OLFM2: variants seen among roughly 807,000 people sequenced by gnomAD.
OLFM2 encodes noelin-2.
In OLFM2, 20 loss-of-function variants were observed where a neutral mutation model predicts 43.9. The observed-to-expected ratio is 0.46, with a 90% confidence interval of 0.32 to 0.66. The LOEUF (loss-of-function observed/expected upper bound fraction) is 0.66. OLFM2 is among the 30% of genes least tolerant of loss of function. The pLI, the probability that OLFM2 is intolerant of heterozygous loss-of-function variation, is 0.04. For synonymous variants in OLFM2, 268 were observed against 278.6 expected, an observed-to-expected ratio of 0.96 and a Z score of 0.38; for missense variants, 416 against 643.6, an observed-to-expected ratio of 0.65 and a Z score of 3.83.
At chr19:9,913,351 T>A (rs528215373) in intron 1 of OLFM2, 2 of 421,592 alleles carry the variant, frequency 4.7e-6, no homozygotes, top group African/African-American at 4.3e-5. Flanking sequence ...TACCCAGGCG[T>A]GCCGGGCAGG....
intron 1 of OLFM2, among the ~76,000 whole-genome samples, chr19:9,887,377 C>G (rs936938763): frequency 6.6e-6 from 1 of 151,988 alleles, no homozygotes; most frequent in Non-Finnish European, 1.5e-5. Context: ...TGAGGTTTCT[C>G]CATGTTGGCC....
chr19:9,855,218 T>C (rs2046306340), intron 5 of OLFM2, among the ~76,000 whole-genome samples: 1 of 122,304 alleles, frequency 8.2e-6, no homozygotes, highest in Non-Finnish European at 1.9e-5. Flanking sequence ...GTGAGTGCTA[T>C]TGGTCTTTTT....
At chr19:9,928,262 G>A (rs754860276) in intron 1 of OLFM2, among the ~76,000 whole-genome samples, 65 of 151,862 alleles carry the variant, frequency 4.3e-4, no homozygotes, top group Non-Finnish European at 7.5e-4. Flanking sequence ...CTCACCATGT[G>A]CTCATCATGT....
chr19:9,858,033 C>T (rs2046336847), intron 2 of OLFM2, 172 bp from the exon 3 acceptor site: 7 of 765,526 alleles, frequency 9.1e-6, no homozygotes, highest in Non-Finnish European at 1.6e-5. Context: ...CCAATCCATC[C>T]ATCCATCGCT....
At chr19:9,855,681 C>T (rs1490523590) in intron 5 of OLFM2, among the ~76,000 whole-genome samples, 1 of 152,064 alleles carries the variant, frequency 6.6e-6, no homozygotes, top group Admixed American at 6.6e-5. Flanking sequence ...ACTACAGGCA[C>T]AAGTCACCAC....
chr19:9,898,353 C>A (rs529801985), intron 1 of OLFM2, among the ~76,000 whole-genome samples: 3 of 151,516 alleles, frequency 2.0e-5, no homozygotes, highest in Admixed American at 2.0e-4. Flanking sequence ...GAAACCTCTT[C>A]TCTACTAAAA....
At chr19:9,893,863 A>G (rs2046658659) in intron 1 of OLFM2, among the ~76,000 whole-genome samples, 1 of 152,174 alleles carries the variant, frequency 6.6e-6, no homozygotes, top group African/African-American at 2.4e-5. Flanking sequence ...ATAAATCTTC[A>G]AGAGGTTTCA....
chr19:9,901,000 G>GA (rs1272892841), intron 1 of OLFM2, among the ~76,000 whole-genome samples: 54 of 23,744 alleles, frequency 2.3e-3, no homozygotes, highest in South Asian at 4.4e-3. Context: ...GGGAGGGAGG[G>GA]GGGAGGGAGG....
intron 1 of OLFM2, among the ~76,000 whole-genome samples, chr19:9,926,924 G>A (rs971178997): frequency 6.6e-6 from 1 of 152,168 alleles, no homozygotes; most frequent in South Asian, 2.1e-4. Flanking sequence ...GTTTGAGGCT[G>A]CAGTGAGCTG....
chr19:9,910,905 T>C (rs1026273997), intron 1 of OLFM2, among the ~76,000 whole-genome samples: 1 of 151,910 alleles, frequency 6.6e-6, no homozygotes, highest in Admixed American at 6.6e-5. Flanking sequence ...GATGGGTAGA[T>C]GAAATAATTG....
chr19:9,928,236 T>A (rs1374859096), intron 1 of OLFM2, among the ~76,000 whole-genome samples: 1 of 151,656 alleles, frequency 6.6e-6, no homozygotes, highest in Non-Finnish European at 1.5e-5. Context: ...CAAAATAAAA[T>A]TTAAAAAGAA....
intron 1 of OLFM2, among the ~76,000 whole-genome samples, chr19:9,934,578 A>G (rs1295449699): frequency 6.6e-6 from 1 of 152,078 alleles, no homozygotes; most frequent in African/African-American, 2.4e-5. Context: ...GGATAATTCA[A>G]CTTGATTCCT....
At chr19:9,931,246 T>TTTTC (rs1229799073) in intron 1 of OLFM2, among the ~76,000 whole-genome samples, 1 of 151,932 alleles carries the variant, frequency 6.6e-6, no homozygotes, top group African/African-American at 2.4e-5. Context: ...AGAAGATGGG[T>TTTTC]TTTCTTTCTT....
At chr19:9,936,264 C>T in intron 1 of OLFM2, 40 bp downstream of exon 1, 2 of 1,526,288 alleles carry the variant, frequency 1.3e-6, no homozygotes, top group Non-Finnish European at 1.8e-6. Flanking sequence ...CCTCCTCTCC[C>T]GGAGCCACCC....
chr19:9,867,362 C>T (rs1186362792), intron 1 of OLFM2, among the ~76,000 whole-genome samples: 1 of 152,092 alleles, frequency 6.6e-6, no homozygotes, highest in African/African-American at 2.4e-5. Flanking sequence ...TAGAGCGAGA[C>T]CCCGTCTCAA....
chr19:9,873,306 A>G (rs2046458404), intron 1 of OLFM2, among the ~76,000 whole-genome samples: 1 of 152,276 alleles, frequency 6.6e-6, no homozygotes, highest in African/African-American at 2.4e-5. Flanking sequence ...GGTGCACACC[A>G]CCACGCCAGG....
At chr19:9,884,706 A>T (rs2046570848) in intron 1 of OLFM2, among the ~76,000 whole-genome samples, 1 of 152,110 alleles carries the variant, frequency 6.6e-6, no homozygotes, top group Admixed American at 6.6e-5. Flanking sequence ...ACATCTCCAC[A>T]GCTCCCTGCC....
chr19:9,874,907 C>A (rs2046472492), intron 1 of OLFM2, among the ~76,000 whole-genome samples: 1 of 152,200 alleles, frequency 6.6e-6, no homozygotes, highest in South Asian at 2.1e-4. Flanking sequence ...AGACACTGCA[C>A]CCGTCCCCTA....
At chr19:9,872,520 A>AG (rs1002435576) in intron 1 of OLFM2, among the ~76,000 whole-genome samples, 2 of 7,612 alleles carry the variant, frequency 2.6e-4, no homozygotes, top group African/African-American at 8.0e-4. Context: ...GTCTCAAAAG[A>AG]AAAAAAAAAA....
Sources: allele counts gnomAD v4.1 joint callset (sites outside exome capture counted in the v4.1 genomes callset), GRCh38; gene constraint gnomAD v4.1.1; transcripts MANE v1.5; gene names NCBI Gene and HGNC (gene_info 2026-07-23, HGNC 2026-07-21).